The following ABCD3 variants were observed in gnomAD, a reference collection of about 807,000 sequenced individuals.
ABCD3 encodes the protein ATP binding cassette subfamily D member 3, also known as ATP-binding cassette sub-family D member 3.
ABCD3 carries 41 observed loss-of-function variants against 105.5 expected under a neutral mutation model. The observed-to-expected ratio is 0.39, with a 90% confidence interval of 0.30 to 0.50. The LOEUF (loss-of-function observed/expected upper bound fraction) is 0.50, where lower values mean the gene tolerates loss of function less well. ABCD3 is among the 20% of genes least tolerant of loss of function. ABCD3 has a pLI of 0.84. For missense variants in ABCD3, 622 were observed against 806.3 expected (o/e 0.77, Z 2.77); for synonymous variants, 258 against 269.0 (o/e 0.96, Z 0.40).
chr1:94,475,677 T>C lies in ABCD3; in HGVS notation c.567T>C (p.Leu189=). The C allele has an allele frequency of 2.5e-6, 4 of 1,611,416 alleles. No individual in the cohort carries two copies. The highest frequency in any genetic ancestry group is 3.4e-6 in the Non-Finnish European group (4 of 1,177,846). Residue 189 remains leucine (L), a synonymous_variant, in exon 7 of 23, where the codon CTT becomes CTC. Transcript: ENST00000370214. ...DNRIANPDQL[L]TQDVEKFCNS... is the part of the protein sequence containing the mutation. ...GAATAGCTAATCCAGACCAGCTGCTTACACAAGATGTAGAAAAATTTTGTA... is the reference window on the plus strand; with the variant it reads ...GAATAGCTAATCCAGACCAGCTGCTCACACAAGATGTAGAAAAATTTTGTA...
At chr1:94,408,490 A>G in the ABCD3 span, among the ~76,000 whole-genome samples, 1 of 151,164 alleles carries the variant, frequency 6.6e-6, no homozygotes, top group Non-Finnish European at 1.5e-5. Context: ...GCTACTAGAG[A>G]GGCTGAGGCA....
chr1:94,468,562 A>G (rs560146147), intron 4 of ABCD3, among the ~76,000 whole-genome samples: 11 of 152,344 alleles, frequency 7.2e-5, no homozygotes, highest in South Asian at 4.1e-4. Context: ...CAGTTGGGAT[A>G]TCTTGGGTTA....
At chr1:94,503,366 G>A (rs1438278648) in intron 20 of ABCD3, among the ~76,000 whole-genome samples, 4 of 152,136 alleles carry the variant, frequency 2.6e-5, no homozygotes, top group African/African-American at 9.7e-5. Context: ...ACTGTGTGCT[G>A]CTCTGTCCTG....
intron 10 of ABCD3, among the ~76,000 whole-genome samples, chr1:94,486,926 T>A (rs1331865847): frequency 6.6e-5 from 10 of 152,156 alleles, no homozygotes; most frequent in Non-Finnish European, 1.0e-4. Context: ...TGCAGGACCT[T>A]GAATAATCTG....
chr1:94,501,265 G>GAAA (rs4148065), intron 20 of ABCD3, among the ~76,000 whole-genome samples: 7 of 61,970 alleles, frequency 1.1e-4, no homozygotes, highest in Non-Finnish European at 1.8e-4. Context: ...TGTCTCAAAA[G>GAAA]AAAAAAAAAA....
At chr1:94,469,669 T>A (rs932977828) in intron 4 of ABCD3, among the ~76,000 whole-genome samples, 5 of 141,598 alleles carry the variant, frequency 3.5e-5, no homozygotes, top group Non-Finnish European at 6.1e-5. Context: ...TTGCCTTTTT[T>A]TTTTTTTTTT....
upstream of ABCD3, among the ~76,000 whole-genome samples, chr1:94,414,958 A>G (rs186602654): frequency 5.9e-5 from 9 of 152,286 alleles, no homozygotes; most frequent in African/African-American, 9.6e-5. Context: ...GGTTGCAGTC[A>G]CCTGAAGGCT....
chr1:94,496,692 C>CTATTTTT (rs1649814792), intron 16 of ABCD3, among the ~76,000 whole-genome samples: 1 of 20,138 alleles, frequency 5.0e-5, no homozygotes, highest in African/African-American at 2.0e-4. Context: ...AGCCTTGTTT[C>CTATTTTT]TGTTTTTTTT....
chr1:94,480,735 A>G (rs188977586), intron 9 of ABCD3, 129 bp downstream of exon 9: 18 of 987,552 alleles, frequency 1.8e-5, no homozygotes, highest in Admixed American at 1.7e-4. Flanking sequence ...GAAAATATAC[A>G]TTATGAAAGA....
intron 1 of ABCD3, among the ~76,000 whole-genome samples, chr1:94,445,655 G>A (rs1435454100): frequency 3.9e-5 from 6 of 152,156 alleles, no homozygotes; most frequent in Admixed American, 2.6e-4. Flanking sequence ...TTCTTTTCCA[G>A]AGGACACTGG....
chr1:94,493,909 A>G (rs1649662703), intron 16 of ABCD3, among the ~76,000 whole-genome samples: 1 of 151,994 alleles, frequency 6.6e-6, no homozygotes, highest in African/African-American at 2.4e-5. Flanking sequence ...ACACATGGAC[A>G]CAGGAAGGGG....
Position 94,433,989 on chromosome 1 carries a change from T to A in ABCD3, c.110+15401T>A, listed in dbSNP as rs532947628. Reference sequence around the variant, plus strand: ...ACATAGAAAAGGTTCAGTTAAAATATGGCATAAAAGATCAAAAACGGTGTA... The same window carrying A: ...ACATAGAAAAGGTTCAGTTAAAATAAGGCATAAAAGATCAAAAACGGTGTA... On this transcript the variant is annotated intron_variant, in intron 1 of 22. Coordinates refer to ENST00000370214, the MANE Select transcript of ABCD3 (RefSeq NM_002858.4). Among the ~76,000 whole-genome samples the A allele has an allele frequency of 7.9e-5, 12 of 152,230 alleles. No homozygotes were observed. The East Asian group carries it at 2.1e-3, about 27-fold the overall frequency.
intron 1 of ABCD3, among the ~76,000 whole-genome samples, chr1:94,423,700 A>G (rs1338721617): frequency 6.6e-6 from 1 of 151,726 alleles, no homozygotes; most frequent in African/African-American, 2.4e-5. Flanking sequence ...GGACATTCCC[A>G]CTGCTGGAAA....
chr1:94,398,904 G>A, the ABCD3 span, among the ~76,000 whole-genome samples: 1 of 152,010 alleles, frequency 6.6e-6, no homozygotes, highest in African/African-American at 2.4e-5. Flanking sequence ...CAGACTGACA[G>A]AGTGAGACTC....
intron 1 of ABCD3, among the ~76,000 whole-genome samples, chr1:94,446,380 T>C (rs1376759803): frequency 6.6e-6 from 1 of 152,134 alleles, no homozygotes; most frequent in Non-Finnish European, 1.5e-5. Context: ...GCGGGGACAA[T>C]AGGATTACTT....
chr1:94,473,703 A>G, intron 4 of ABCD3, 63 bp from the exon 5 acceptor site: 1 of 1,203,312 alleles, frequency 8.3e-7, no homozygotes, highest in Non-Finnish European at 1.2e-6. Context: ...GCTTTACAGA[A>G]GTTTTCCTAG....
the ABCD3 span, among the ~76,000 whole-genome samples, chr1:94,412,148 T>C: frequency 6.6e-6 from 1 of 152,210 alleles, no homozygotes; most frequent in African/African-American, 2.4e-5. Flanking sequence ...TTTTATGTCA[T>C]GTGAACGTCA....
At chr1:94,517,027 T>A in intron 22 of ABCD3, 25 bp from the exon 23 acceptor site, 1 of 1,528,470 alleles carries the variant, frequency 6.5e-7, no homozygotes, top group Non-Finnish European at 9.1e-7. Flanking sequence ...AGTTACTGAC[T>A]TTTTTTCCCC....
intron 4 of ABCD3, among the ~76,000 whole-genome samples, chr1:94,469,522 C>G (rs1447592712): frequency 2.0e-5 from 3 of 149,240 alleles, no homozygotes; most frequent in Non-Finnish European, 4.4e-5. Context: ...ACCTACTTCC[C>G]CCTAATTCAG....
Sources: gnomAD v4.1 joint callset for allele counts (sites outside exome capture counted in the v4.1 genomes callset) on GRCh38, gnomAD v4.1.1 for gene constraint, MANE v1.5 for transcripts, NCBI Gene and HGNC (gene_info 2026-07-23, HGNC 2026-07-21) for gene names.